The following CYP3A7 variants were observed in gnomAD, a reference collection of about 807,000 sequenced individuals.
CYP3A7 encodes the protein cytochrome P450 3A7.
Under a neutral mutation model 55.2 loss-of-function variants are expected in CYP3A7, and 45 were observed. That is an observed-to-expected ratio of 0.82 (90% CI 0.64 to 1.05). The LOEUF (loss-of-function observed/expected upper bound fraction) is 1.05. CYP3A7 is among the 50% of genes least tolerant of loss of function. The probability of loss-of-function intolerance (pLI) is 0.00; values close to 1 mark genes in which losing one functional copy is unlikely to be tolerated. For synonymous variants in CYP3A7, 180 were observed against 207.4 expected (o/e 0.87, Z 1.13); for missense variants, 548 against 605.3 (o/e 0.91, Z 0.99).
chr7:99,708,496 C>G (rs570304361), intron 11 of CYP3A7, among the ~76,000 whole-genome samples: 1 of 152,146 alleles, frequency 6.6e-6, no homozygotes, highest in East Asian at 1.9e-4. Flanking sequence ...CCTCCTTCTT[C>G]TAATCTCCAT....
chr7:99,731,185 A>G, intron 1 of CYP3A7, 33 bp from the exon 2 acceptor site: 1 of 1,612,700 alleles, frequency 6.2e-7, no homozygotes, highest in Non-Finnish European at 8.5e-7. Context: ...GGTCTCAGGG[A>G]TTGTGACTTT....
In CYP3A7 at chr7:99,705,336, G is replaced by T; in HGVS notation, c.*164C>A. The T allele has an allele frequency of 2.6e-6, 2 of 765,726 alleles. No homozygotes were observed. The highest frequency in any genetic ancestry group is 1.7e-5 in the African/African-American group (1 of 57,580). 47.4% of individuals were successfully genotyped at this position (765,726 alleles called of 1,614,324 possible). A position where few individuals can be genotyped will look rare whatever the true frequency, so the allele number is the denominator to read the frequency against. On this transcript the variant is annotated 3_prime_UTR_variant, in exon 13 of 13. Coordinates refer to ENST00000336374, the MANE Select transcript of CYP3A7 (RefSeq NM_000765.5). ...ATTACCAAGTATAACACTCTATACA[G>T]ACCATGAGAGAGCACAATGCACGTA...
At chr7:99,708,960 A>G in intron 11 of CYP3A7, 75 bp downstream of exon 11, 1 of 1,507,696 alleles carries the variant, frequency 6.6e-7, no homozygotes, top group Non-Finnish European at 9.2e-7. Context: ...ACAAGCCCAG[A>G]CTGTCCTGTA....
chr7:99,731,712 C>T lies in CYP3A7; in HGVS notation c.72-560G>A, dbSNP rs183750902. 8.6e-4 allele frequency among the ~76,000 whole-genome samples: 131 copies of T among 152,292 alleles called. 1 individual carries two copies. Among genetic ancestry groups the T allele is most frequent in the African/African-American group, 2.9e-3 (121 of 41,550 alleles). Reference sequence around the variant, plus strand: ...GCTCTGACCCTGTTTTAGGATCTGGCCCTTCTTAAACTGTCATTCACAGAG... The same window carrying T: ...GCTCTGACCCTGTTTTAGGATCTGGTCCTTCTTAAACTGTCATTCACAGAG... On this transcript the variant is annotated intron_variant, in intron 1 of 12. Transcript: ENST00000336374.
chr7:99,705,708 C>G, intron 12 of CYP3A7, 113 bp from the exon 13 acceptor site: 9 of 1,288,860 alleles, frequency 7.0e-6, no homozygotes, highest in East Asian at 2.5e-5. Flanking sequence ...CATATAAAAA[C>G]TACTTTCAGC....
chr7:99,721,133 T>G (rs1814183150), intron 3 of CYP3A7, among the ~76,000 whole-genome samples: 1 of 152,198 alleles, frequency 6.6e-6, no homozygotes, highest in African/African-American at 2.4e-5. Flanking sequence ...CCTTATAAAA[T>G]CACAGTCCAT....
intron 4 of CYP3A7, among the ~76,000 whole-genome samples, chr7:99,719,808 G>A (rs1814114907): frequency 6.6e-6 from 1 of 152,056 alleles, no homozygotes; most frequent in Non-Finnish European, 1.5e-5. Flanking sequence ...GACCAGCCTG[G>A]CCAATAAGGT....
chr7:99,725,444 C>A (rs1814373803), intron 2 of CYP3A7, among the ~76,000 whole-genome samples: 1 of 152,218 alleles, frequency 6.6e-6, no homozygotes, highest in South Asian at 2.1e-4. Flanking sequence ...CAGTGTAAGA[C>A]AACCCAAGAC....
chr7:99,712,711 T>C (rs573369369), intron 9 of CYP3A7, among the ~76,000 whole-genome samples: 1 of 152,188 alleles, frequency 6.6e-6, no homozygotes, highest in Non-Finnish European at 1.5e-5. Context: ...TAAATCTGTA[T>C]GCCAAAGTCA....
chr7:99,729,724 C>T (rs1207057412), intron 2 of CYP3A7, among the ~76,000 whole-genome samples: 1 of 152,158 alleles, frequency 6.6e-6, no homozygotes. Context: ...CCCCACCATG[C>T]ACCTTGTGGC....
At position 99,713,385 on chromosome 7, in the gene CYP3A7, C is replaced by G. The variant is rs192523756; in HGVS notation, c.865+84G>C. On this transcript the variant is annotated intron_variant, in intron 9 of 12. Coordinates refer to ENST00000336374, the MANE Select transcript of CYP3A7 (RefSeq NM_000765.5). ...CTATGTGGCAGAAATTCTCATCTAC[C>G]TGGAATACTTCCTGCACATTTTCAG... is the stretch of plus-strand genomic sequence containing the variant. 1,151 of 1,591,308 alleles carry G rather than the reference C, an allele frequency of 7.2e-4. 2 individuals carry two copies. Among genetic ancestry groups the G allele is most frequent in the Middle Eastern group, 1.8e-3 (10 of 5,704 alleles).
At chr7:99,707,413 G>A (rs1003070210) in intron 12 of CYP3A7, among the ~76,000 whole-genome samples, 2 of 152,200 alleles carry the variant, frequency 1.3e-5, no homozygotes, top group Non-Finnish European at 2.9e-5. Context: ...GCTAGTGGTT[G>A]GGAGCCACTG....
rs931797111 is a variant in CYP3A7 at position 99,731,933 on chromosome 7, A to G, written c.72-781T>C. On this transcript the variant is annotated intron_variant, in intron 1 of 12. Transcript: ENST00000336374. ...GAATGACACTGTGCAGAAGAATCACAACTAAGAACAAGGACATTCCTCCTC... is the reference window on the plus strand; with the variant it reads ...GAATGACACTGTGCAGAAGAATCACGACTAAGAACAAGGACATTCCTCCTC... 3.3e-4 allele frequency among the ~76,000 whole-genome samples: 51 copies of G among 152,302 alleles called. 1 individual carries two copies. The highest frequency in any genetic ancestry group is 6.5e-5 in the Admixed American group (1 of 15,302).
chr7:99,708,475 C>T (rs1239458041), intron 11 of CYP3A7, among the ~76,000 whole-genome samples: 1 of 151,886 alleles, frequency 6.6e-6, no homozygotes, highest in East Asian at 1.9e-4. Context: ...CCCTCCTTCT[C>T]TCCTCCTTCT....
Position 99,730,964 on chromosome 7 carries a change from C to G in CYP3A7, c.165+95G>C, listed in dbSNP as rs2151534809. 2.7e-6 allele frequency: 4 copies of G among 1,501,250 alleles called. No homozygotes were observed. The South Asian group carries it at 3.5e-5, about 13-fold the overall frequency. The allele number at this position is 1,501,250 out of a possible 1,614,324, so 93.0% of individuals were successfully genotyped here. A position where few individuals can be genotyped will look rare whatever the true frequency, so the allele number is the denominator to read the frequency against. ...CGCTATTTCTGAAAGTATAAAATCT[C>G]AGACCTTCCTCTTGAGGAGAAGCAT... On this transcript the variant is annotated intron_variant, in intron 2 of 12. Transcript: ENST00000336374.
intron 4 of CYP3A7, among the ~76,000 whole-genome samples, chr7:99,719,999 AAACAAAC>A (rs896292576): frequency 5.3e-5 from 8 of 151,650 alleles, no homozygotes; most frequent in African/African-American, 9.8e-5. Context: ...TCAGTCCGAA[AAACAAAC>A]AACAAACAAC....
intron 4 of CYP3A7, among the ~76,000 whole-genome samples, chr7:99,719,047 A>G (rs374535536): frequency 2.6e-5 from 4 of 152,362 alleles, no homozygotes; most frequent in African/African-American, 7.2e-5. Context: ...GAATTGAAAG[A>G]CCAAACATAG....
chr7:99,709,062 G>C lies in CYP3A7; in HGVS notation c.1226C>G (p.Thr409Arg), dbSNP rs2257401. The change falls in exon 11 of 13, where the codon ACA becomes AGA. Residue 409 changes from threonine (T) to arginine (R), a missense_variant. Thr to Arg is a moderately conservative substitution (Grantham distance 71, BLOSUM62 -1). Transcript: ENST00000336374. ...TTCAGGGAGGAACTTCTCAGGCTCT[G>C]TCCAGTACTTTGGGTCATGATGAAG... ...YVLHHDPKYW[T>R]EPEKFLPERF... 0.13 allele frequency: 211,433 copies of C among 1,613,714 alleles called. 24,610 individuals carry two copies. Among genetic ancestry groups the C allele is most frequent in the African/African-American group, 0.54 (40,721 of 74,870 alleles).
intron 1 of CYP3A7, among the ~76,000 whole-genome samples, chr7:99,733,246 C>A (rs968322765): frequency 2.0e-5 from 3 of 152,206 alleles, no homozygotes; most frequent in East Asian, 3.8e-4. Context: ...GTTACATGAT[C>A]TCTCAGGCCA....
Sources: gnomAD v4.1 joint callset for allele counts (sites outside exome capture counted in the v4.1 genomes callset) on GRCh38, gnomAD v4.1.1 for gene constraint, MANE v1.5 for transcripts, NCBI Gene and HGNC (gene_info 2026-07-23, HGNC 2026-07-21) for gene names.